Variants in PLEKHM3 observed in about 807,000 individuals in gnomAD.
PLEKHM3 encodes the protein pleckstrin homology domain-containing family M member 3.
PLEKHM3 carries 45 observed loss-of-function variants against 81.8 expected under a neutral mutation model. The ratio of observed to expected loss-of-function variants is 0.55; its 90% confidence interval spans 0.43 to 0.71. PLEKHM3 has a LOEUF of 0.71. Among genes scored for constraint, PLEKHM3 ranks in the 30% least tolerant of loss-of-function variants. The pLI is 0.00. For synonymous variants in PLEKHM3, 352 were observed against 356.4 expected (o/e 0.99, Z 0.14); for missense variants, 788 against 924.3 (o/e 0.85, Z 1.91).
At chr2:207,887,101 T>C (rs1405328143) in intron 6 of PLEKHM3, among the ~76,000 whole-genome samples, 1 of 152,256 alleles carries the variant, frequency 6.6e-6, no homozygotes, top group Non-Finnish European at 1.5e-5. Context: ...TTATTCTTAC[T>C]ATCCACACTT....
intron 3 of PLEKHM3, among the ~76,000 whole-genome samples, chr2:207,953,732 G>A (rs914609419): frequency 1.3e-5 from 2 of 151,628 alleles, no homozygotes; most frequent in African/African-American, 2.4e-5. Context: ...CCTGGGGCAG[G>A]AGAATTGCTG....
intron 7 of PLEKHM3, among the ~76,000 whole-genome samples, chr2:207,842,261 T>A (rs1344363106): frequency 1.3e-5 from 2 of 152,156 alleles, no homozygotes; most frequent in Non-Finnish European, 2.9e-5. Flanking sequence ...GTTTTATTTA[T>A]AAGGTTTATT....
intron 3 of PLEKHM3, among the ~76,000 whole-genome samples, chr2:207,972,090 G>A (rs949082304): frequency 6.6e-6 from 1 of 152,210 alleles, no homozygotes; most frequent in African/African-American, 2.4e-5. Flanking sequence ...CTAGTGGACT[G>A]CAAATTTCAT....
Position 208,001,430 on chromosome 2 carries a change from G to GC in PLEKHM3, c.209dup (p.Met71HisfsTer7). The GC allele has an allele frequency of 6.2e-7, 1 of 1,614,100 alleles. No individual in the cohort carries two copies. ...TGCTCTTACAGTGGTCCCAAATCAT[G>GC]CCCCCCTTGCCCAGGGAGGTGACAT... On this transcript the variant is annotated frameshift_variant, in exon 2 of 8. Coordinates refer to ENST00000427836, the MANE Select transcript of PLEKHM3 (RefSeq NM_001080475.3). LOFTEE classifies it high-confidence loss of function.
At chr2:207,920,653 A>ATTT (rs58599860) in intron 5 of PLEKHM3, among the ~76,000 whole-genome samples, 1 of 138,948 alleles carries the variant, frequency 7.2e-6, no homozygotes, top group African/African-American at 2.7e-5. Context: ...CAGTTTGCCT[A>ATTT]TTTTTTTTTT....
rs2092249834 is a variant in PLEKHM3, at chr2:207,826,041, G to A, written c.*2278C>T. The A allele has an allele frequency of 6.6e-6, 1 of 152,210 alleles. No individual in the cohort carries two copies. Among genetic ancestry groups the A allele is most frequent in the African/African-American group, 2.4e-5 (1 of 41,440 alleles). 9.4% of individuals were successfully genotyped at this position (152,210 alleles called of 1,614,324 possible). On this transcript the variant is annotated 3_prime_UTR_variant, in exon 8 of 8. Transcript: ENST00000427836. ...TGTATGCAGGGCAAACATGTTACAA[G>A]GGGAGGAGATGGCACTGCACTTCAG...
At chr2:207,863,701 T>C (rs2092480576) in intron 6 of PLEKHM3, among the ~76,000 whole-genome samples, 4 of 152,156 alleles carry the variant, frequency 2.6e-5, no homozygotes, top group Non-Finnish European at 4.4e-5. Context: ...TAAGCAGCCG[T>C]GGGCTGTGGG....
intron 1 of PLEKHM3, among the ~76,000 whole-genome samples, chr2:208,018,960 C>T (rs900199422): frequency 3.0e-4 from 46 of 151,572 alleles, no homozygotes; most frequent in African/African-American, 1.0e-3. Flanking sequence ...GCACTTTGAG[C>T]TGTGATTGTG....
chr2:207,976,539 TA>T lies in PLEKHM3; in HGVS notation c.1546+111del. On this transcript the variant is annotated intron_variant, in intron 3 of 7. Coordinates refer to ENST00000427836, the MANE Select transcript of PLEKHM3 (RefSeq NM_001080475.3). The surrounding 1 kb of genome is among the most constrained non-coding windows in gnomAD (Gnocchi z 4.1). Reference sequence around the variant, plus strand: ...GCTTCTCGAGGAGAGATACTTTTTATAAACAGGAGATAGCTGTGACTAGCCT... The same window carrying T: ...GCTTCTCGAGGAGAGATACTTTTTATAACAGGAGATAGCTGTGACTAGCCT... The T allele has an allele frequency of 9.8e-7, 1 of 1,023,792 alleles. No individual in the cohort carries two copies. Among genetic ancestry groups the T allele is most frequent in the Non-Finnish European group, 1.4e-6 (1 of 714,666 alleles). The allele number at this position is 1,023,792 out of a possible 1,614,324, so 63.4% of individuals were successfully genotyped here.
rs567470735 is a variant in PLEKHM3, at chr2:207,880,424, C to T, written c.1951-19162G>A. ...TCTGTCTAAAAGAAAAAAAAAAAAA[C>T]GCAAATTGATGTAGTAATAAACATA... is the stretch of plus-strand genomic sequence containing the variant. On this transcript the variant is annotated intron_variant, in intron 6 of 7. Transcript: ENST00000427836. Among the ~76,000 whole-genome samples, 851 of 111,342 alleles carry T rather than the reference C, an allele frequency of 7.6e-3. 13 individuals are homozygous for T. The highest frequency in any genetic ancestry group is 0.027 in the African/African-American group (786 of 28,800). 73.0% of individuals were successfully genotyped at this position (111,342 alleles called of 152,430 possible).
At position 207,977,462 on chromosome 2, in the gene PLEKHM3, G is replaced by A. The variant is rs191382851; in HGVS notation, c.735C>T (p.Leu245=). 7.4e-6 allele frequency: 12 copies of A among 1,614,034 alleles called. No homozygotes were observed. In the Middle Eastern group the frequency reaches 4.9e-4, roughly 66 times the overall value. ...LSPYNLYFYS[L]DSSGNQNLYA... ...AAAGGTTTTGATTCCCACTGCTGTC[G>A]AGGCTGTAGAAGTATAAGTTGTAAG... The change falls in exon 3 of 8, where the codon CTC becomes CTT. Residue 245 remains leucine (L), a synonymous_variant. Transcript: ENST00000427836.
chr2:207,908,306 GC>G (rs1195221367), intron 6 of PLEKHM3, among the ~76,000 whole-genome samples: 4 of 152,134 alleles, frequency 2.6e-5, no homozygotes, highest in Non-Finnish European at 2.9e-5. Context: ...ATGTATAAGA[GC>G]CCCAGTTTCT....
chr2:207,862,770 T>A (rs1038750741), intron 6 of PLEKHM3, among the ~76,000 whole-genome samples: 1 of 152,180 alleles, frequency 6.6e-6, no homozygotes, highest in Non-Finnish European at 1.5e-5. Context: ...CTACAAAAAA[T>A]GTAATCATGC....
intron 4 of PLEKHM3, among the ~76,000 whole-genome samples, chr2:207,938,596 A>G (rs909238851): frequency 6.6e-6 from 1 of 152,240 alleles, no homozygotes; most frequent in Admixed American, 6.5e-5. Context: ...GAGAAAAGAC[A>G]GCCAGACACT....
intron 6 of PLEKHM3, among the ~76,000 whole-genome samples, chr2:207,871,065 T>C (rs1431942966): frequency 6.6e-6 from 1 of 152,182 alleles, no homozygotes; most frequent in Non-Finnish European, 1.5e-5. Flanking sequence ...CTACGAGCTA[T>C]GATTGGGCCA....
At chr2:208,023,330 T>A (rs115902336) in intron 1 of PLEKHM3, among the ~76,000 whole-genome samples, 4 of 152,024 alleles carry the variant, frequency 2.6e-5, no homozygotes, top group Non-Finnish European at 4.4e-5. Flanking sequence ...TTTTTAAGTG[T>A]ACAGTTCAGT....
In PLEKHM3 at chr2:207,989,552, T is replaced by C. The variant is rs946735985; in HGVS notation, c.610+11478A>G. 5.3e-5 allele frequency among the ~76,000 whole-genome samples: 8 copies of C among 152,310 alleles called. No homozygotes were observed. In the South Asian group the frequency reaches 8.3e-4, roughly 16 times the overall value. On this transcript the variant is annotated intron_variant, in intron 2 of 7. Transcript: ENST00000427836. Reference sequence around the variant, plus strand: ...TTTCACAAGTCCCACTTTCTCTTTATTGCCACTATCACACTAATCTGAGTC... The same window carrying C: ...TTTCACAAGTCCCACTTTCTCTTTACTGCCACTATCACACTAATCTGAGTC...
intron 7 of PLEKHM3, among the ~76,000 whole-genome samples, chr2:207,858,172 G>A (rs60572052): frequency 0.064 from 4,948 of 77,190 alleles, 265 homozygotes; most frequent in African/African-American, 0.21. Context: ...GTGTGTGTGT[G>A]TGTATATATT....
intron 5 of PLEKHM3, among the ~76,000 whole-genome samples, chr2:207,914,234 G>A (rs1010430311): frequency 6.6e-6 from 1 of 151,570 alleles, no homozygotes; most frequent in African/African-American, 2.4e-5. Flanking sequence ...CGTGGCTCAC[G>A]CCTGTAATCC....
Sources: gnomAD v4.1 joint callset for allele counts (sites outside exome capture counted in the v4.1 genomes callset) on GRCh38, gnomAD v4.1.1 for gene constraint, Gnocchi (gnomAD v3.1) non-coding constraint, MANE v1.5 for transcripts, NCBI Gene and HGNC (gene_info 2026-07-23, HGNC 2026-07-21) for gene names.